Variants in KCNH5 observed in about 807,000 individuals in gnomAD.
KCNH5 encodes potassium voltage-gated channel subfamily H member 5.
A neutral mutation model predicts 96.1 loss-of-function variants in KCNH5; 46 were observed. That is an observed-to-expected ratio of 0.48 (90% CI 0.38 to 0.61). The LOEUF is 0.61. KCNH5 is among the 20% of genes least tolerant of loss of function. The probability of loss-of-function intolerance (pLI) is 0.00; values close to 1 mark genes in which losing one functional copy is unlikely to be tolerated. For missense variants in KCNH5, 907 were observed against 1,225.8 expected (o/e 0.74, Z 3.88); for synonymous variants, 439 against 449.8 (o/e 0.98, Z 0.30).
chr14:63,031,130 G>C (rs1891617878), intron 1 of KCNH5, among the ~76,000 whole-genome samples: 1 of 151,848 alleles, frequency 6.6e-6, no homozygotes. Flanking sequence ...TCTAGTAGGG[G>C]GAAAAGAGTA....
chr14:62,862,716 G>A (rs897642198), intron 7 of KCNH5, among the ~76,000 whole-genome samples: 2 of 152,112 alleles, frequency 1.3e-5, no homozygotes, highest in Non-Finnish European at 2.9e-5. Context: ...GTTGTACTGA[G>A]GGACAACAAG....
chr14:62,749,829 T>C (rs1486819321), intron 10 of KCNH5, among the ~76,000 whole-genome samples: 1 of 152,192 alleles, frequency 6.6e-6, no homozygotes. Context: ...TCCCCAAGAC[T>C]GTGACCTCCA....
Position 62,727,522 on chromosome 14 carries a change from G to C in KCNH5, c.2020-19067C>G, listed in dbSNP as rs932262014. On this transcript the variant is annotated intron_variant, in intron 10 of 10. Coordinates refer to ENST00000322893, the MANE Select transcript of KCNH5 (RefSeq NM_139318.5). ...TCAGTTTGTGAAAATGCATCAAATA[G>C]TACACTTATGATTTGTAGACATTTC... is the stretch of plus-strand genomic sequence containing the variant. Among the ~76,000 whole-genome samples, 6 of 152,182 alleles carry C rather than the reference G, an allele frequency of 3.9e-5. 1 individual carries two copies. The South Asian group carries it at 1.2e-3, about 32-fold the overall frequency.
intron 6 of KCNH5, among the ~76,000 whole-genome samples, chr14:62,960,469 G>T (rs963748364): frequency 6.6e-6 from 1 of 152,104 alleles, no homozygotes; most frequent in Non-Finnish European, 1.5e-5. Flanking sequence ...AATAATTTCT[G>T]ATTCCTCCAG....
chr14:62,899,833 CAAA>C (rs10544668), intron 7 of KCNH5, among the ~76,000 whole-genome samples: 55 of 139,178 alleles, frequency 4.0e-4, no homozygotes, highest in South Asian at 4.5e-4. Context: ...GACTCCGTCT[CAAA>C]AAAAAAAAAA....
chr14:62,983,842 G>T (rs1485161209), intron 5 of KCNH5, among the ~76,000 whole-genome samples: 1 of 152,148 alleles, frequency 6.6e-6, no homozygotes. Context: ...CCCAAGGTAA[G>T]ATATCTGTCT....
At chr14:62,995,741 T>C (rs149105495) in intron 4 of KCNH5, among the ~76,000 whole-genome samples, 63 of 152,218 alleles carry the variant, frequency 4.1e-4, no homozygotes, top group African/African-American at 1.5e-3. Context: ...TCTCAGTTGA[T>C]AACTGTGATT....
intron 7 of KCNH5, among the ~76,000 whole-genome samples, chr14:62,866,281 A>C (rs1888132608): frequency 6.6e-6 from 1 of 152,164 alleles, no homozygotes; most frequent in Non-Finnish European, 1.5e-5. Context: ...GTAAGTTTTG[A>C]CTTGATAAAA....
intron 7 of KCNH5, among the ~76,000 whole-genome samples, chr14:62,916,750 C>T (rs1889283153): frequency 6.6e-6 from 1 of 152,088 alleles, no homozygotes; most frequent in Non-Finnish European, 1.5e-5. Flanking sequence ...AGGGTCATGC[C>T]AATATTCCTG....
At position 62,909,030 on chromosome 14, in the gene KCNH5, G is replaced by GTTTT. The variant is rs1566703759; in HGVS notation, c.1369+41102_1369+41103insAAAA. On this transcript the variant is annotated intron_variant, in intron 7 of 10. Coordinates refer to ENST00000322893, the MANE Select transcript of KCNH5 (RefSeq NM_139318.5). ...TCAAACATAGAAAACACTATGCTAC[G>GTTTT]TATTTTTTTTTTTTTTTTTTTTTTT... 1.6e-3 allele frequency among the ~76,000 whole-genome samples: 157 copies of GTTTT among 100,774 alleles called. 2 individuals are homozygous for GTTTT. The highest frequency in any genetic ancestry group is 6.0e-3 in the African/African-American group (151 of 25,028). The allele number at this position is 100,774 out of a possible 152,430, so 66.1% of individuals were successfully genotyped here.
At chr14:62,862,381 C>T (rs1205471442) in intron 7 of KCNH5, among the ~76,000 whole-genome samples, 1 of 152,118 alleles carries the variant, frequency 6.6e-6, no homozygotes, top group African/African-American at 2.4e-5. Flanking sequence ...CTTAATATGT[C>T]TTCTGGCTGA....
At chr14:63,042,350 GTGTTTACCTATGTGAC>G (rs1265946310) in intron 1 of KCNH5, among the ~76,000 whole-genome samples, 1 of 151,974 alleles carries the variant, frequency 6.6e-6, no homozygotes, top group Non-Finnish European at 1.5e-5. Flanking sequence ...GACCAGCTGA[GTGTTTACCTATGTGAC>G]TGTGTATTAT....
intron 7 of KCNH5, among the ~76,000 whole-genome samples, chr14:62,906,962 G>C (rs968905559): frequency 3.9e-5 from 6 of 152,146 alleles, no homozygotes; most frequent in African/African-American, 1.4e-4. Flanking sequence ...ACAACGTATA[G>C]CACTGTCTCA....
At chr14:62,919,121 T>C (rs1218252404) in intron 7 of KCNH5, among the ~76,000 whole-genome samples, 1 of 152,078 alleles carries the variant, frequency 6.6e-6, no homozygotes, top group Non-Finnish European at 1.5e-5. Context: ...TATAGTTTCA[T>C]ACATAAAAAT....
intron 1 of KCNH5, among the ~76,000 whole-genome samples, chr14:63,029,733 T>C (rs1202930269): frequency 1.3e-5 from 2 of 152,196 alleles, no homozygotes; most frequent in South Asian, 2.1e-4. Flanking sequence ...ATATTAACAA[T>C]CCAGAGGTTT....
chr14:62,992,135 C>T (rs915371738), intron 4 of KCNH5, among the ~76,000 whole-genome samples: 2 of 152,002 alleles, frequency 1.3e-5, no homozygotes, highest in African/African-American at 4.8e-5. Context: ...CAATTCCATC[C>T]ATGTTGCTGC....
At chr14:63,006,581 A>C (rs559670855) in intron 2 of KCNH5, 109 bp from the exon 3 acceptor site, 10 of 659,744 alleles carry the variant, frequency 1.5e-5, no homozygotes, top group African/African-American at 1.3e-4. Flanking sequence ...AGAAAATATA[A>C]TATTGCTCCT....
chr14:62,949,906 G>T (rs146539564), intron 7 of KCNH5: 1 of 449,350 alleles, frequency 2.2e-6, no homozygotes, highest in African/African-American at 2.0e-5. Context: ...AGAGAGCACT[G>T]CTGGGTACAC....
rs148116118 is a variant in KCNH5 at position 62,766,267 on chromosome 14, T to C, written c.2019+13461A>G. On this transcript the variant is annotated intron_variant, in intron 10 of 10. Coordinates refer to ENST00000322893, the MANE Select transcript of KCNH5 (RefSeq NM_139318.5). ...ACAACCACTATGTATAACAAATTTG[T>C]AGGTTCCTCAAAAAACTAAAAACAG... 1.8e-4 allele frequency among the ~76,000 whole-genome samples: 27 copies of C among 152,226 alleles called. No homozygotes were observed. In the East Asian group the frequency reaches 5.2e-3, roughly 29 times the overall value.
Sources: allele counts gnomAD v4.1 joint callset (sites outside exome capture counted in the v4.1 genomes callset), GRCh38; gene constraint gnomAD v4.1.1; transcripts MANE v1.5; gene names NCBI Gene and HGNC (gene_info 2026-07-23, HGNC 2026-07-21).